Variants in MEIKIN observed in about 807,000 individuals in gnomAD.
MEIKIN encodes the protein meiosis-specific kinetochore protein.
intron 9 of MEIKIN, among the ~76,000 whole-genome samples, chr5:131,875,048 C>A (rs893724830): frequency 6.6e-6 from 1 of 151,998 alleles, no homozygotes; most frequent in African/African-American, 2.4e-5. Flanking sequence ...TACTGAATGG[C>A]CAAAAACTGG....
intron 4 of MEIKIN, among the ~76,000 whole-genome samples, chr5:131,935,144 G>T (rs1751753459): frequency 6.7e-6 from 1 of 148,672 alleles, no homozygotes; most frequent in Non-Finnish European, 1.5e-5. Context: ...AGAATGTAAA[G>T]AACTGGCTCG....
rs552535797 is a variant in MEIKIN at position 131,916,868 on chromosome 5, A to G, written c.638+18T>C. On this transcript the variant is annotated intron_variant, in intron 7 of 12. Coordinates refer to ENST00000442687, the MANE Select transcript of MEIKIN (RefSeq NM_001303622.2). Reference sequence around the variant, plus strand: ...AGGGTTTCAGAAGCTCAACAATTTTAAAATTTTTAGTTCTTACGTTTTTCT... The same window carrying G: ...AGGGTTTCAGAAGCTCAACAATTTTGAAATTTTTAGTTCTTACGTTTTTCT... The G allele has an allele frequency of 2.5e-6, 1 of 397,238 alleles. No homozygotes were observed. Among genetic ancestry groups the G allele is most frequent in the African/African-American group, 2.1e-5 (1 of 48,720 alleles). 24.6% of individuals were successfully genotyped at this position (397,238 alleles called of 1,614,324 possible).
At chr5:131,849,376 T>C (rs1394443327) in intron 11 of MEIKIN, among the ~76,000 whole-genome samples, 2 of 146,022 alleles carry the variant, frequency 1.4e-5, no homozygotes, top group Non-Finnish European at 3.0e-5. Flanking sequence ...TCTTTATATA[T>C]ATAAAGAAAC....
At chr5:131,894,907 G>A (rs1751007510) in intron 8 of MEIKIN, among the ~76,000 whole-genome samples, 2 of 152,034 alleles carry the variant, frequency 1.3e-5, no homozygotes, top group Non-Finnish European at 2.9e-5. Flanking sequence ...CTTTTGCCTG[G>A]TTGCCCTGGC....
intron 11 of MEIKIN, among the ~76,000 whole-genome samples, chr5:131,828,585 T>A (rs898148615): frequency 5.3e-5 from 8 of 152,190 alleles, no homozygotes; most frequent in Admixed American, 2.6e-4. Flanking sequence ...AATCTCCATA[T>A]AACAGATGCT....
chr5:131,932,383 A>G (rs765599496), intron 5 of MEIKIN, among the ~76,000 whole-genome samples: 5 of 152,228 alleles, frequency 3.3e-5, no homozygotes, highest in Non-Finnish European at 5.9e-5. Context: ...AGCTCTCTGA[A>G]GTGAGCTGGT....
At chr5:131,826,728 G>A (rs1749614543) in intron 11 of MEIKIN, among the ~76,000 whole-genome samples, 1 of 151,700 alleles carries the variant, frequency 6.6e-6, no homozygotes, top group Non-Finnish European at 1.5e-5. Flanking sequence ...TACGTGTGTG[G>A]CACTTCCCCT....
At chr5:131,873,543 A>C (rs1750547725) in intron 9 of MEIKIN, among the ~76,000 whole-genome samples, 2 of 152,180 alleles carry the variant, frequency 1.3e-5, no homozygotes, top group African/African-American at 2.4e-5. Flanking sequence ...CCCACACAAT[A>C]ATAATGGGAG....
intron 8 of MEIKIN, among the ~76,000 whole-genome samples, chr5:131,889,695 C>A (rs1429798160): frequency 6.6e-6 from 1 of 152,138 alleles, no homozygotes; most frequent in Non-Finnish European, 1.5e-5. Flanking sequence ...TAATTGAATA[C>A]CGTTTATTTC....
intron 4 of MEIKIN, among the ~76,000 whole-genome samples, chr5:131,935,401 C>A (rs1184914087): frequency 2.6e-5 from 4 of 151,982 alleles, no homozygotes; most frequent in African/African-American, 9.7e-5. Context: ...CCAGACTCAG[C>A]AGTCTTAAAG....
Position 131,945,552 on chromosome 5 carries a change from A to C in MEIKIN, c.-47T>G. 1 of 399,972 alleles carries C rather than the reference A, an allele frequency of 2.5e-6. No individual in the cohort carries two copies. The highest frequency in any genetic ancestry group is 3.6e-5 in the East Asian group (1 of 28,058). 24.8% of individuals were successfully genotyped at this position (399,972 alleles called of 1,614,324 possible). A position where few individuals can be genotyped will look rare whatever the true frequency, so the allele number is the denominator to read the frequency against. ...GGCCACGGGTGCCTCTGGACTCTCGATGGCCTGCCTTCCTGAGGATCAGGG... is the reference window on the plus strand; with the variant it reads ...GGCCACGGGTGCCTCTGGACTCTCGCTGGCCTGCCTTCCTGAGGATCAGGG... On this transcript the variant is annotated 5_prime_UTR_variant, in exon 1 of 13. Coordinates refer to ENST00000442687, the MANE Select transcript of MEIKIN (RefSeq NM_001303622.2).
intron 8 of MEIKIN, among the ~76,000 whole-genome samples, chr5:131,889,384 C>A (rs1392786502): frequency 6.6e-6 from 1 of 152,180 alleles, no homozygotes; most frequent in African/African-American, 2.4e-5. Flanking sequence ...TCGTTTATTT[C>A]ATTGAGCAGT....
At chr5:131,867,921 T>C (rs986833762) in intron 9 of MEIKIN, among the ~76,000 whole-genome samples, 6 of 152,238 alleles carry the variant, frequency 3.9e-5, no homozygotes, top group Non-Finnish European at 8.8e-5. Context: ...TATATGAGTA[T>C]GTTTAGTTTT....
intron 9 of MEIKIN, among the ~76,000 whole-genome samples, chr5:131,865,760 T>A (rs1750372839): frequency 6.6e-6 from 1 of 152,258 alleles, no homozygotes; most frequent in South Asian, 2.1e-4. Context: ...TCTGGGCATA[T>A]GCAGTATTAC....
At chr5:131,890,142 G>C (rs1215897387) in intron 8 of MEIKIN, among the ~76,000 whole-genome samples, 4 of 150,126 alleles carry the variant, frequency 2.7e-5, no homozygotes, top group African/African-American at 9.7e-5. Flanking sequence ...TTTTGCGAAG[G>C]ATATTGGTCT....
intron 12 of MEIKIN, among the ~76,000 whole-genome samples, chr5:131,818,251 G>C (rs780173698): frequency 2.6e-5 from 4 of 152,046 alleles, no homozygotes; most frequent in African/African-American, 4.8e-5. Context: ...TAAAAATAAT[G>C]CTACTAAAAT....
intron 11 of MEIKIN, among the ~76,000 whole-genome samples, 193 bp downstream of exon 11, chr5:131,851,071 T>C (rs1486892316): frequency 6.6e-6 from 1 of 152,150 alleles, no homozygotes; most frequent in South Asian, 2.1e-4. Context: ...CTGTACTTCA[T>C]AAAAAATATA....
chr5:131,832,326 T>C (rs1749728832), intron 11 of MEIKIN, among the ~76,000 whole-genome samples: 1 of 152,214 alleles, frequency 6.6e-6, no homozygotes, highest in Admixed American at 6.5e-5. Context: ...GATATTTTTT[T>C]TGACTCCAGG....
intron 9 of MEIKIN, among the ~76,000 whole-genome samples, chr5:131,865,618 T>C (rs1475862147): frequency 6.6e-6 from 1 of 152,242 alleles, no homozygotes. Context: ...TGTCCTTACA[T>C]TGATATCTGT....
Sources: gnomAD v4.1 joint callset for allele counts (sites outside exome capture counted in the v4.1 genomes callset) on GRCh38, gnomAD v4.1.1 for gene constraint, MANE v1.5 for transcripts, NCBI Gene and HGNC (gene_info 2026-07-23, HGNC 2026-07-21) for gene names.